Variants in TXNL4A observed in about 807,000 individuals in gnomAD.
TXNL4A encodes the protein thioredoxin like 4A.
Under a neutral mutation model 14.6 loss-of-function variants are expected in TXNL4A, and 17 were observed. The observed-to-expected ratio is 1.16, with a 90% CI of 0.80 to 1.74. The LOEUF is 1.74. Among genes scored for constraint, TXNL4A ranks in the 40% most tolerant of loss-of-function variants. The probability of loss-of-function intolerance (pLI) is 0.00; values close to 1 mark genes in which losing one functional copy is unlikely to be tolerated. For synonymous variants in TXNL4A, 83 were observed against 70.6 expected (o/e 1.18, Z -0.88); for missense variants, 74 against 195.2 (o/e 0.38, Z 3.70).
At chr18:79,985,376 C>A (rs1784111929) in intron 1 of TXNL4A, among the ~76,000 whole-genome samples, 1 of 152,148 alleles carries the variant, frequency 6.6e-6, no homozygotes, top group Admixed American at 6.5e-5. Context: ...CCTCGGCCTA[C>A]CAAGTAGTTG....
chr18:80,002,142 G>A (rs914045834), intron 1 of TXNL4A, among the ~76,000 whole-genome samples: 16 of 152,112 alleles, frequency 1.1e-4, no homozygotes, highest in African/African-American at 3.1e-4. Context: ...GTTTTATAAC[G>A]GGAAACCCTT....
upstream of TXNL4A, among the ~76,000 whole-genome samples, chr18:79,992,020 G>A (rs1260725405): frequency 1.3e-5 from 2 of 152,224 alleles, no homozygotes; most frequent in Admixed American, 1.3e-4. Context: ...AAGACTCAAA[G>A]CGGGAAGGGG....
At chr18:80,018,866 T>C (rs189149121) in intron 1 of TXNL4A, among the ~76,000 whole-genome samples, 365 of 152,352 alleles carry the variant, frequency 2.4e-3, no homozygotes, top group African/African-American at 8.6e-3. Flanking sequence ...CACAGTTCTC[T>C]AGGGCAGGGG....
At chr18:79,989,885 A>G (rs975134404), upstream of TXNL4A, among the ~76,000 whole-genome samples, 1 of 152,182 alleles carries the variant, frequency 6.6e-6, no homozygotes, top group Non-Finnish European at 1.5e-5. Context: ...AATCCCAGCT[A>G]CTAGGGAGGC....
At chr18:79,992,566 T>C (rs112091371), upstream of TXNL4A, among the ~76,000 whole-genome samples, 760 of 152,206 alleles carry the variant, frequency 5.0e-3, 6 homozygotes, top group African/African-American at 0.017. Context: ...GGGAACTGGG[T>C]CAGGCAAACC....
chr18:80,022,250 T>C (rs1168064629), intron 1 of TXNL4A, among the ~76,000 whole-genome samples: 1 of 152,152 alleles, frequency 6.6e-6, no homozygotes, highest in Non-Finnish European at 1.5e-5. Flanking sequence ...GAGCTAATGA[T>C]CTGGCTATTG....
intron 1 of TXNL4A, chr18:79,995,036 G>A (rs891107502): frequency 4.6e-5 from 7 of 152,328 alleles, no homozygotes; most frequent in East Asian, 3.9e-4. Flanking sequence ...AACCCGTTTC[G>A]GGAACAACTG....
chr18:80,019,782 A>G (rs2051836140), intron 1 of TXNL4A, among the ~76,000 whole-genome samples: 1 of 152,226 alleles, frequency 6.6e-6, no homozygotes, highest in African/African-American at 2.4e-5. Flanking sequence ...TTAAAGCAGA[A>G]GAAGGCATTT....
upstream of TXNL4A, among the ~76,000 whole-genome samples, chr18:79,989,577 C>T (rs2051609993): frequency 6.6e-6 from 1 of 152,202 alleles, no homozygotes; most frequent in South Asian, 2.1e-4. Flanking sequence ...AACCTCTAAC[C>T]TCTGTTCTTC....
At chr18:80,024,187 T>A (rs890897305) in intron 1 of TXNL4A, among the ~76,000 whole-genome samples, 1 of 148,702 alleles carries the variant, frequency 6.7e-6, no homozygotes, top group Admixed American at 6.7e-5. Flanking sequence ...ATTCACTGTT[T>A]AAAAAAAAAA....
At chr18:79,977,161 C>T in intron 2 of TXNL4A, among the ~76,000 whole-genome samples, 1 of 152,048 alleles carries the variant, frequency 6.6e-6, no homozygotes, top group Middle Eastern at 3.2e-3. Flanking sequence ...GTTTCACCAT[C>T]TTAGCCCAGC....
At chr18:80,026,430 AC>A (rs2051884922) in intron 1 of TXNL4A, among the ~76,000 whole-genome samples, 2 of 152,278 alleles carry the variant, frequency 1.3e-5, no homozygotes, top group Non-Finnish European at 2.9e-5. Context: ...ACTCAGGAAG[AC>A]TAGGGGTGCT....
rs971884758 is a variant in TXNL4A, at chr18:80,011,134, G to A, written c.-61+22717C>T. The stretch of plus-strand genomic sequence containing the variant: ...GCCCCTCGGGAAAGGAAACAATTTG[G>A]GTTATATCATTGAGTATGCAAAGGC... On this transcript the variant is annotated intron_variant, in intron 1 of 2. Coordinates refer to the TXNL4A transcript ENST00000585474. The surrounding 1 kb of genome is among the most constrained non-coding windows in gnomAD (Gnocchi z 4.1). Among the ~76,000 whole-genome samples the A allele has an allele frequency of 1.3e-5, 2 of 152,000 alleles. No homozygotes were observed. Among genetic ancestry groups the A allele is most frequent in the Admixed American group, 1.3e-4 (2 of 15,262 alleles).
chr18:80,030,461 A>G (rs1273830027), intron 1 of TXNL4A: 1 of 152,208 alleles, frequency 6.6e-6, no homozygotes, highest in South Asian at 2.1e-4. Flanking sequence ...TGTTTCTACA[A>G]TGGGCTCAGG....
At position 79,982,068 on chromosome 18, in the gene TXNL4A, A is replaced by G. The variant is rs1568365468; in HGVS notation, c.154-4367T>C. Among the ~76,000 whole-genome samples, 1 of 152,198 alleles carries G rather than the reference A, an allele frequency of 6.6e-6. No homozygotes were observed. The highest frequency in any genetic ancestry group is 1.5e-5 in the Non-Finnish European group (1 of 68,024). On this transcript the variant is annotated intron_variant, in intron 1 of 2. Transcript: ENST00000269601. The surrounding 1 kb of genome is among the most constrained non-coding windows in gnomAD (Gnocchi z 4.0). ...TCTGGCTCCAAAGCCTGAACTCTGG[A>G]TGACAGAATCAGCCTAACCCACAGG...
In TXNL4A at chr18:80,010,186, G is replaced by A. The variant is rs953556210; in HGVS notation, c.-61+23665C>T. On this transcript the variant is annotated intron_variant, in intron 1 of 2. Transcript: ENST00000585474. ...GACACAAAGGTGAAGTTGGGGCGAAGGTTTAATAAGCGAAAGAAGAAAGCT... is the reference window on the plus strand; with the variant it reads ...GACACAAAGGTGAAGTTGGGGCGAAAGTTTAATAAGCGAAAGAAGAAAGCT... 4.6e-5 allele frequency among the ~76,000 whole-genome samples: 7 copies of A among 152,280 alleles called. No homozygotes were observed. In the South Asian group the frequency reaches 6.2e-4, roughly 14 times the overall value.
intron 1 of TXNL4A, among the ~76,000 whole-genome samples, chr18:80,016,103 T>C (rs1472305437): frequency 2.0e-5 from 3 of 148,840 alleles, no homozygotes; most frequent in African/African-American, 7.4e-5. Flanking sequence ...TGCATTTCTC[T>C]GATGGCCAGT....
chr18:79,986,316 T>C (rs1411738078), intron 1 of TXNL4A, among the ~76,000 whole-genome samples: 2 of 152,238 alleles, frequency 1.3e-5, no homozygotes, highest in Non-Finnish European at 2.9e-5. Context: ...ATTACAGACA[T>C]GAACTACCGC....
rs7245133 is a variant in TXNL4A at position 79,973,860 on chromosome 18, C to T, written c.258-4G>A. 30,384 of 1,612,524 alleles carry T rather than the reference C, an allele frequency of 0.019. 384 individuals carry two copies. The highest frequency in any genetic ancestry group is 0.023 in the Non-Finnish European group (26,790 of 1,179,416). ...GTCAATCATGATGTGCTTGTTCCTG[C>T]AACGAGAAACAAGGGCATCCATTCT... On this transcript the variant is annotated splice_region_variant and splice_polypyrimidine_tract_variant and intron_variant, in intron 2 of 2. Transcript: ENST00000269601.
Sources: gnomAD v4.1 joint callset for allele counts (sites outside exome capture counted in the v4.1 genomes callset) on GRCh38, gnomAD v4.1.1 for gene constraint, Gnocchi (gnomAD v3.1) non-coding constraint, MANE v1.5 for transcripts, NCBI Gene and HGNC (gene_info 2026-07-23, HGNC 2026-07-21) for gene names.